The following SHANK2 variants were observed in gnomAD, a reference collection of about 807,000 sequenced individuals.
SHANK2 encodes SH3 and multiple ankyrin repeat domains protein 2.
Under a neutral mutation model 133.7 loss-of-function variants are expected in SHANK2, and 43 were observed. That is an observed-to-expected ratio of 0.32 (90% CI 0.25 to 0.41). SHANK2 has a LOEUF of 0.41. SHANK2 is among the 10% of genes least tolerant of loss of function. SHANK2 has a pLI of 1.00. For missense variants in SHANK2, 1,994 were observed against 2,235.8 expected (o/e 0.89, Z 2.18); for synonymous variants, 1,017 against 952.8 (o/e 1.07, Z -1.24).
intron 15 of SHANK2, among the ~76,000 whole-genome samples, chr11:70,681,555 C>A (rs1945029774): frequency 6.6e-6 from 1 of 152,206 alleles, no homozygotes; most frequent in Non-Finnish European, 1.5e-5. Flanking sequence ...CTGCCTCAGC[C>A]ACCCTGGACT....
At chr11:70,655,048 C>T (rs367738638) in intron 17 of SHANK2, among the ~76,000 whole-genome samples, 67 of 152,208 alleles carry the variant, frequency 4.4e-4, no homozygotes, top group East Asian at 1.5e-3. Context: ...GGATTACAGG[C>T]GTGATTTCTA....
rs564387204 is a variant in SHANK2, at chr11:70,706,855, T to C, written c.1778-8092A>G. ...AGCTTCAGACTGTCAGCATTTAAAA[T>C]AGACCTTTAAGCAGGGCTGCTGGAA... On this transcript the variant is annotated intron_variant, in intron 14 of 25. Coordinates refer to ENST00000601538, the MANE Select transcript of SHANK2 (RefSeq NM_012309.5). Among the ~76,000 whole-genome samples the C allele has an allele frequency of 3.3e-5, 5 of 152,168 alleles. No individual in the cohort carries two copies. The South Asian group carries it at 6.2e-4, about 19-fold the overall frequency.
intron 2 of SHANK2, among the ~76,000 whole-genome samples, chr11:71,159,969 A>G (rs557922725): frequency 8.8e-6 from 1 of 113,492 alleles, no homozygotes; most frequent in Admixed American, 8.1e-5. Context: ...CCTGGGTGGC[A>G]GGAAAAAAAA....
chr11:70,876,878 A>G (rs1371243799), intron 11 of SHANK2, among the ~76,000 whole-genome samples: 1 of 152,168 alleles, frequency 6.6e-6, no homozygotes, highest in Non-Finnish European at 1.5e-5. Flanking sequence ...TGGCCACTCC[A>G]ATACTCTGGT....
intron 17 of SHANK2, among the ~76,000 whole-genome samples, chr11:70,574,818 C>T (rs1378681778): frequency 2.0e-5 from 3 of 152,172 alleles, no homozygotes; most frequent in Non-Finnish European, 2.9e-5. Flanking sequence ...CATGGAAGCC[C>T]CTCTGAAACC....
chr11:71,235,597 G>GAA lies in SHANK2; in HGVS notation c.-112-10803_-112-10802dup, dbSNP rs11412828. ...AACAAGAGTGAAACTCTCTCTCGGG[G>GAA]AAAAAAAAAAAAACGTTAACTTTAT... On this transcript the variant is annotated intron_variant, in intron 1 of 25. Coordinates refer to ENST00000601538, the MANE Select transcript of SHANK2 (RefSeq NM_012309.5). Among the ~76,000 whole-genome samples the GAA allele has an allele frequency of 2.9e-3, 408 of 142,478 alleles. 1 individual carries two copies. Among genetic ancestry groups the GAA allele is most frequent in the Middle Eastern group, 0.011 (3 of 278 alleles). The allele number at this position is 142,478 out of a possible 152,430, so 93.5% of individuals were successfully genotyped here.
chr11:70,741,351 CCAT>C, intron 14 of SHANK2, among the ~76,000 whole-genome samples: 1 of 152,062 alleles, frequency 6.6e-6, no homozygotes, highest in Admixed American at 6.5e-5. Flanking sequence ...ATCCATCCAT[CCAT>C]CCATCCATCC....
intron 14 of SHANK2, among the ~76,000 whole-genome samples, chr11:70,787,536 T>A (rs527963086): frequency 7.0e-4 from 51 of 72,900 alleles, no homozygotes; most frequent in African/African-American, 1.7e-3. Context: ...ACCACCAGCA[T>A]CAACACCATC....
intron 17 of SHANK2, among the ~76,000 whole-genome samples, chr11:70,588,212 T>C (rs1223371981): frequency 5.3e-5 from 8 of 152,162 alleles, no homozygotes; most frequent in African/African-American, 1.7e-4. Context: ...TTATTTCACA[T>C]GCCAAGGGAA....
chr11:70,520,873 T>C (rs1591531353), intron 17 of SHANK2, among the ~76,000 whole-genome samples: 1 of 152,226 alleles, frequency 6.6e-6, no homozygotes, highest in East Asian at 1.9e-4. Flanking sequence ...CTCCTTGGCC[T>C]CTGGGAGCTC....
chr11:71,192,393 A>G (rs1953811327), intron 2 of SHANK2, among the ~76,000 whole-genome samples: 1 of 152,146 alleles, frequency 6.6e-6, no homozygotes, highest in African/African-American at 2.4e-5. Flanking sequence ...GGCTATGACT[A>G]TGAGAGCCCA....
At chr11:70,527,610 C>T (rs782433910) in intron 17 of SHANK2, among the ~76,000 whole-genome samples, 2 of 152,220 alleles carry the variant, frequency 1.3e-5, no homozygotes, top group Non-Finnish European at 2.9e-5. Context: ...TGAGAGGCGC[C>T]TCCTCCCTGG....
At chr11:70,919,114 TG>T (rs1422487340) in intron 10 of SHANK2, among the ~76,000 whole-genome samples, 2 of 152,048 alleles carry the variant, frequency 1.3e-5, no homozygotes, top group Non-Finnish European at 2.9e-5. Context: ...CAGTGAGCCG[TG>T]ATCACCCCAC....
intron 10 of SHANK2, among the ~76,000 whole-genome samples, chr11:70,932,645 G>C (rs1166621326): frequency 2.0e-5 from 3 of 152,234 alleles, no homozygotes; most frequent in Non-Finnish European, 4.4e-5. Flanking sequence ...GCAAATGCCA[G>C]GGTACCTTAG....
intron 10 of SHANK2, chr11:70,907,942 A>G: frequency 2.2e-6 from 1 of 450,294 alleles, no homozygotes; most frequent in South Asian, 1.6e-5. Context: ...CTCCACCAAA[A>G]ATACAAAAAC....
intron 19 of SHANK2, 108 bp downstream of exon 19, chr11:70,502,097 AG>A (rs1346115784): frequency 9.7e-6 from 13 of 1,343,274 alleles, no homozygotes; most frequent in East Asian, 2.5e-5. Context: ...CAGGGGCAGG[AG>A]GGGGGTAGCG....
chr11:70,712,818 A>G (rs1945821088), intron 14 of SHANK2, among the ~76,000 whole-genome samples: 1 of 152,186 alleles, frequency 6.6e-6, no homozygotes, highest in South Asian at 2.1e-4. Flanking sequence ...CTGGAATCAC[A>G]CTGGTTTCCA....
chr11:71,191,539 C>T (rs1555115438), intron 2 of SHANK2, among the ~76,000 whole-genome samples: 1 of 152,072 alleles, frequency 6.6e-6, no homozygotes, highest in East Asian at 1.9e-4. Context: ...TCTGTTTCCT[C>T]ATCTCCTCCT....
chr11:70,780,772 C>A (rs1332204850), intron 14 of SHANK2, among the ~76,000 whole-genome samples: 2 of 152,044 alleles, frequency 1.3e-5, no homozygotes, highest in Non-Finnish European at 2.9e-5. Context: ...CGGGGATTCA[C>A]CATGTTGGTC....
Sources: gnomAD v4.1 joint callset for allele counts (sites outside exome capture counted in the v4.1 genomes callset) on GRCh38, gnomAD v4.1.1 for gene constraint, MANE v1.5 for transcripts, NCBI Gene and HGNC (gene_info 2026-07-23, HGNC 2026-07-21) for gene names.